GSG1L2: variants seen among roughly 807,000 people sequenced by gnomAD.
GSG1L2 encodes the protein GSG1 like 2, also known as germ cell-specific gene 1-like protein 2.
A neutral mutation model predicts 9.0 loss-of-function variants in GSG1L2; 15 were observed. That is an observed-to-expected ratio of 1.67 (90% CI 1.12 to 2.57). The LOEUF is 2.57. Among genes scored for constraint, GSG1L2 ranks in the 30% most tolerant of loss-of-function variants. GSG1L2 has a pLI of 0.00. For missense variants in GSG1L2, 286 were observed against 150.3 expected, an observed-to-expected ratio of 1.90 and a Z score of -4.72; for synonymous variants, 127 against 57.9, an observed-to-expected ratio of 2.19 and a Z score of -5.41.
Position 9,820,567 on chromosome 17 carries a change from C to T in GSG1L2, c.310+1195G>A, listed in dbSNP as rs2066584999. 6.6e-6 allele frequency among the ~76,000 whole-genome samples: 1 copy of T among 152,036 alleles called. No homozygotes were observed. The highest frequency in any genetic ancestry group is 2.4e-5 in the African/African-American group (1 of 41,376). On this transcript the variant is annotated intron_variant, in intron 1 of 4. Coordinates refer to ENST00000399363, the MANE Select transcript of GSG1L2 (RefSeq NM_001310219.2). The surrounding 1 kb of genome is among the most constrained non-coding windows in gnomAD (Gnocchi z 4.9). ...CAAGACACAGGCACTGGCCTGGATA[C>T]ATGGGAGGTTCAGTCAGGCTGGGTA...
At chr17:9,808,073 G>C (rs2066522982) in intron 3 of GSG1L2, among the ~76,000 whole-genome samples, 1 of 151,990 alleles carries the variant, frequency 6.6e-6, no homozygotes, top group Admixed American at 6.6e-5. Context: ...ATAATTAAAA[G>C]GGACTTTAAA....
intron 1 of GSG1L2, among the ~76,000 whole-genome samples, chr17:9,819,871 C>T (rs142503159): frequency 0.01 from 1,582 of 152,032 alleles, 29 homozygotes; most frequent in African/African-American, 0.035. Flanking sequence ...CCTCAGCCTT[C>T]CAAAATGCTG....
intron 2 of GSG1L2, 197 bp from the exon 3 acceptor site, chr17:9,809,179 G>A (rs376573724): frequency 4.3e-5 from 24 of 556,928 alleles, no homozygotes; most frequent in Non-Finnish European, 7.7e-5. Flanking sequence ...CGGTTGTAGG[G>A]ATTGCCCGTA....
At chr17:9,809,414 G>C (rs758027203) in intron 2 of GSG1L2, 1 of 192,582 alleles carries the variant, frequency 5.2e-6, no homozygotes, top group Non-Finnish European at 1.1e-5. Flanking sequence ...AGAGTGAGCG[G>C]TAGCAAGGTT....
chr17:9,802,744 C>T, intron 4 of GSG1L2, 100 bp from the exon 5 acceptor site: 1 of 639,034 alleles, frequency 1.6e-6, no homozygotes, highest in South Asian at 1.7e-5. Context: ...AACAACAGCT[C>T]CTCGTTCTAC....
At chr17:9,804,337 C>A (rs2066509410) in intron 4 of GSG1L2, 1 of 152,332 alleles carries the variant, frequency 6.6e-6, no homozygotes, top group Admixed American at 6.5e-5. Context: ...ACAAACACTC[C>A]ATCCCACCTC....
At position 9,802,465 on chromosome 17, in the gene GSG1L2, G is replaced by C. The variant is rs2066500618; in HGVS notation, c.803C>G (p.Pro268Arg). ...CCTGAAGGCTTGTTCAGCAGGGCAAGGAGCAGCTCCTGTTTTCCAAATGCT... is the reference window on the plus strand; with the variant it reads ...CCTGAAGGCTTGTTCAGCAGGGCAACGAGCAGCTCCTGTTTTCCAAATGCT... The part of the protein sequence containing the change: ...SESIWKTGAA[P>R]CPAEQAFRNV... The change falls in exon 5 of 5, where the codon CCT becomes CGT. Residue 268 changes from proline to arginine, a missense_variant. Transcript: ENST00000399363. The C allele has an allele frequency of 2.8e-6, 2 of 702,500 alleles. No individual in the cohort carries two copies. The highest frequency in any genetic ancestry group is 3.0e-5 in the South Asian group (2 of 67,584). The allele number at this position is 702,500 out of a possible 1,614,324, so 43.5% of individuals were successfully genotyped here. A position where few individuals can be genotyped will look rare whatever the true frequency, so the allele number is the denominator to read the frequency against.
rs1416720218 is a variant in GSG1L2, at chr17:9,808,965, T to C, written c.376A>G (p.Ile126Val). ...AEEQGVLWLS[I>V]GGEVLDIVLI... ...ACGATATCCAGGACCTCGCCCCCGATGGACAGCCACAAAACACCTGCCAAA... is the reference window on the plus strand; with the variant it reads ...ACGATATCCAGGACCTCGCCCCCGACGGACAGCCACAAAACACCTGCCAAA... The change falls in exon 3 of 5, where the codon ATC becomes GTC. Residue 126 changes from isoleucine (I) to valine (V), a missense_variant. Ile to Val is a conservative substitution (Grantham distance 29). Transcript: ENST00000399363. The C allele has an allele frequency of 2.8e-6, 2 of 703,044 alleles. No homozygotes were observed. Among genetic ancestry groups the C allele is most frequent in the Admixed American group, 4.0e-5 (2 of 50,010 alleles). 43.6% of individuals were successfully genotyped at this position (703,044 alleles called of 1,614,324 possible).
At chr17:9,810,942 C>T (rs2066536640) in intron 1 of GSG1L2, 1 of 363,264 alleles carries the variant, frequency 2.8e-6, no homozygotes, top group Non-Finnish European at 5.0e-6. Context: ...AGGAAGTCTC[C>T]ATCAGCCTGG....
intron 1 of GSG1L2, among the ~76,000 whole-genome samples, chr17:9,814,390 T>G (rs2066551382): frequency 6.6e-6 from 1 of 152,176 alleles, no homozygotes; most frequent in Admixed American, 6.5e-5. Context: ...CTGAATCGCT[T>G]CTTGTCTTTC....
intron 1 of GSG1L2, chr17:9,810,861 G>T: frequency 1.9e-6 from 1 of 536,712 alleles, no homozygotes; most frequent in Non-Finnish European, 3.3e-6. Flanking sequence ...GATCTGAGCA[G>T]CTTTAAGAGC....
intron 4 of GSG1L2, among the ~76,000 whole-genome samples, chr17:9,805,881 A>G (rs1486369389): frequency 3.9e-5 from 6 of 152,098 alleles, no homozygotes; most frequent in Non-Finnish European, 5.9e-5. Flanking sequence ...CCACGCCACT[A>G]AACTCCTGGC....
chr17:9,813,297 T>C (rs891063537), intron 1 of GSG1L2, among the ~76,000 whole-genome samples: 2 of 152,066 alleles, frequency 1.3e-5, no homozygotes, highest in African/African-American at 4.8e-5. Flanking sequence ...CAGGTTGGGG[T>C]GATGATGTAA....
Position 9,802,734 on chromosome 17 carries a change from A to G in GSG1L2, c.624-90T>C, listed in dbSNP as rs902783981. The G allele has an allele frequency of 1.9e-5, 12 of 647,146 alleles. No individual in the cohort carries two copies. The African/African-American group carries it at 2.0e-4, about 11-fold the overall frequency. The allele number at this position is 647,146 out of a possible 1,614,324, so 40.1% of individuals were successfully genotyped here. ...CCAGACTGGGGGTCAATCTGGAGAA[A>G]ACAACAGCTCCTCGTTCTACTCAGT... On this transcript the variant is annotated intron_variant, in intron 4 of 4. Coordinates refer to ENST00000399363, the MANE Select transcript of GSG1L2 (RefSeq NM_001310219.2).
intron 1 of GSG1L2, among the ~76,000 whole-genome samples, chr17:9,821,469 G>A (rs971547560): frequency 6.6e-6 from 1 of 152,224 alleles, no homozygotes; most frequent in African/African-American, 2.4e-5. Flanking sequence ...AGCTCTGTAT[G>A]TGAATCTGGT....
chr17:9,821,386 C>T (rs2066589007), intron 1 of GSG1L2, among the ~76,000 whole-genome samples: 1 of 150,622 alleles, frequency 6.6e-6, no homozygotes. Flanking sequence ...TTTTAAATAC[C>T]AGGGATTCAG....
intron 1 of GSG1L2, 151 bp from the exon 2 acceptor site, chr17:9,810,769 G>A (rs4791362): frequency 0.23 from 143,601 of 631,666 alleles, 18,041 homozygotes; most frequent in East Asian, 0.38. Flanking sequence ...CTGTGTGGGA[G>A]CCTGATATAA....
intron 1 of GSG1L2, among the ~76,000 whole-genome samples, chr17:9,816,279 T>C (rs1448008069): frequency 6.6e-6 from 1 of 152,250 alleles, no homozygotes; most frequent in East Asian, 1.9e-4. Flanking sequence ...ACTAACTCTC[T>C]TTATATTCAG....
chr17:9,801,830 G>A lies in GSG1L2; in HGVS notation c.*556C>T, dbSNP rs2066497935. ...TTCCAAACTGATTTTACTATGAGTA[G>A]AAACACAAAATTTCCAAGAAAAAAT... On this transcript the variant is annotated 3_prime_UTR_variant, in exon 5 of 5. Coordinates refer to ENST00000399363, the MANE Select transcript of GSG1L2 (RefSeq NM_001310219.2). Among the ~76,000 whole-genome samples the A allele has an allele frequency of 6.6e-6, 1 of 152,182 alleles. No homozygotes were observed. Among genetic ancestry groups the A allele is most frequent in the East Asian group, 1.9e-4 (1 of 5,182 alleles).
Sources: gnomAD v4.1 joint callset for allele counts (sites outside exome capture counted in the v4.1 genomes callset) on GRCh38, gnomAD v4.1.1 for gene constraint, Gnocchi (gnomAD v3.1) non-coding constraint, MANE v1.5 for transcripts, NCBI Gene and HGNC (gene_info 2026-07-23, HGNC 2026-07-21) for gene names.